Variants in MAPK10 observed in about 807,000 individuals in gnomAD.
MAPK10 encodes the protein JNK3 alpha protein kinase.
In MAPK10, 25 loss-of-function variants were observed where a neutral mutation model predicts 59.3. The observed-to-expected ratio is 0.42, with a 90% CI of 0.31 to 0.59. The LOEUF (loss-of-function observed/expected upper bound fraction) is 0.59. MAPK10 is among the 20% of genes least tolerant of loss of function. MAPK10 has a pLI of 0.15. For missense variants in MAPK10, 351 were observed against 568.9 expected (o/e 0.62, Z 3.90); for synonymous variants, 190 against 200.5 (o/e 0.95, Z 0.44).
chr4:86,189,417 T>G (rs1279050141), intron 3 of MAPK10, among the ~76,000 whole-genome samples: 2 of 152,188 alleles, frequency 1.3e-5, no homozygotes, highest in Non-Finnish European at 2.9e-5. Flanking sequence ...TGTCCTCTCT[T>G]ATTTCCTTCA....
chr4:86,518,691 T>C (rs188305245), intron 1 of MAPK10, among the ~76,000 whole-genome samples: 61 of 152,192 alleles, frequency 4.0e-4, no homozygotes, highest in African/African-American at 1.3e-3. Flanking sequence ...TCTAGTTCTT[T>C]GAGATGTGAG....
chr4:86,419,027 G>A (rs918845778), intron 1 of MAPK10, among the ~76,000 whole-genome samples: 1 of 152,058 alleles, frequency 6.6e-6, no homozygotes. Flanking sequence ...AGGGATGAGG[G>A]ATAAAAGACT....
intron 2 of MAPK10, among the ~76,000 whole-genome samples, chr4:86,298,510 C>A (rs2095411395): frequency 6.6e-6 from 1 of 152,168 alleles, no homozygotes; most frequent in South Asian, 2.1e-4. Context: ...CTGATGATGC[C>A]TTCACTCTTT....
chr4:86,530,964 G>A (rs1001829433), intron 1 of MAPK10, among the ~76,000 whole-genome samples: 7 of 152,192 alleles, frequency 4.6e-5, no homozygotes, highest in Admixed American at 2.0e-4. Flanking sequence ...TCTCAGGGCT[G>A]CCTAGCAACC....
intron 13 of MAPK10, among the ~76,000 whole-genome samples, chr4:86,021,948 C>T (rs796108379): frequency 4.6e-5 from 7 of 152,360 alleles, no homozygotes; most frequent in African/African-American, 1.2e-4. Flanking sequence ...CCAGCTGGCC[C>T]GCAAGCGCCG....
chr4:86,475,265 G>T (rs1752988343), intron 1 of MAPK10, among the ~76,000 whole-genome samples: 1 of 152,016 alleles, frequency 6.6e-6, no homozygotes. Context: ...GACCTTCCTT[G>T]GGAGATCAAT....
At chr4:86,479,196 T>C (rs183918836) in intron 1 of MAPK10, among the ~76,000 whole-genome samples, 1 of 152,128 alleles carries the variant, frequency 6.6e-6, no homozygotes, top group East Asian at 1.9e-4. Context: ...TATACAGTCC[T>C]GTAAGGGACC....
Position 86,225,895 on chromosome 4 carries a change from T to C in MAPK10, c.-6-31488A>G, listed in dbSNP as rs1054878158. On this transcript the variant is annotated intron_variant, in intron 2 of 13. Coordinates refer to ENST00000641462, the MANE Select transcript of MAPK10 (RefSeq NM_138982.4). ...CTAAGCCTATCTCCCCTAATAGATATGTAGATTTAGATATATGTATACATA... is the reference window on the plus strand; with the variant it reads ...CTAAGCCTATCTCCCCTAATAGATACGTAGATTTAGATATATGTATACATA... Among the ~76,000 whole-genome samples, 21 of 152,294 alleles carry C rather than the reference T, an allele frequency of 1.4e-4. 1 individual carries two copies. Among genetic ancestry groups the C allele is most frequent in the South Asian group, 2.1e-4 (1 of 4,828 alleles).
chr4:86,226,079 A>G (rs983359512), intron 2 of MAPK10, among the ~76,000 whole-genome samples: 1 of 152,230 alleles, frequency 6.6e-6, no homozygotes, highest in Non-Finnish European at 1.5e-5. Context: ...ATATACACTA[A>G]TCAAATACTG....
intron 12 of MAPK10, among the ~76,000 whole-genome samples, chr4:86,030,973 G>A (rs1401781122): frequency 6.6e-6 from 1 of 152,126 alleles, no homozygotes; most frequent in Non-Finnish European, 1.5e-5. Context: ...ATTTTCTAAA[G>A]TCTAAAACCA....
At chr4:86,298,742 A>G (rs1460751) in intron 2 of MAPK10, among the ~76,000 whole-genome samples, 92,602 of 152,104 alleles carry the variant, frequency 0.61, 28,796 homozygotes, top group South Asian at 0.74. Flanking sequence ...GACTGGCCCA[A>G]ATACAACTTT....
intron 2 of MAPK10, chr4:86,352,209 C>T (rs1418369678): frequency 4.6e-5 from 7 of 151,694 alleles, no homozygotes; most frequent in Admixed American, 1.3e-4. Flanking sequence ...TCCTAGAAAA[C>T]GGTAAATATC....
chr4:86,242,857 G>T (rs1157584130), intron 2 of MAPK10, among the ~76,000 whole-genome samples: 2 of 132,092 alleles, frequency 1.5e-5, no homozygotes, highest in African/African-American at 7.6e-5. Context: ...GCAGGTGCTG[G>T]ATGCCCCTCC....
At chr4:86,337,763 A>G (rs1055087613) in intron 2 of MAPK10, among the ~76,000 whole-genome samples, 6 of 152,326 alleles carry the variant, frequency 3.9e-5, no homozygotes, top group East Asian at 3.9e-4. Context: ...GCTGAGGCCA[A>G]CTGAATATCA....
At chr4:86,433,214 C>A (rs988081179) in intron 1 of MAPK10, among the ~76,000 whole-genome samples, 2 of 152,094 alleles carry the variant, frequency 1.3e-5, no homozygotes, top group African/African-American at 4.8e-5. Flanking sequence ...TACCTACATC[C>A]CTTTACTCCA....
intron 1 of MAPK10, among the ~76,000 whole-genome samples, chr4:86,493,110 T>C (rs1431064288): frequency 6.6e-6 from 1 of 152,224 alleles, no homozygotes; most frequent in African/African-American, 2.4e-5. Flanking sequence ...AGGCAAACGC[T>C]GAGTTGTAAC....
intron 1 of MAPK10, among the ~76,000 whole-genome samples, chr4:86,520,623 A>G (rs978632910): frequency 4.6e-5 from 7 of 151,836 alleles, no homozygotes; most frequent in Non-Finnish European, 8.8e-5. Flanking sequence ...CAATTCAGAG[A>G]TTTCTTCTTG....
intron 2 of MAPK10, among the ~76,000 whole-genome samples, chr4:86,334,221 A>G (rs1238356059): frequency 2.0e-5 from 3 of 152,158 alleles, no homozygotes; most frequent in African/African-American, 7.2e-5. Flanking sequence ...ATCATGCCTG[A>G]CTGTCATTCC....
intron 2 of MAPK10, among the ~76,000 whole-genome samples, chr4:86,197,735 G>A (rs2081670006): frequency 6.6e-6 from 1 of 152,120 alleles, no homozygotes; most frequent in Non-Finnish European, 1.5e-5. Context: ...TGGAACTTCT[G>A]CAGGTTTTTT....
Sources: gnomAD v4.1 joint callset for allele counts (sites outside exome capture counted in the v4.1 genomes callset) on GRCh38, gnomAD v4.1.1 for gene constraint, MANE v1.5 for transcripts, NCBI Gene and HGNC (gene_info 2026-07-23, HGNC 2026-07-21) for gene names.